The following MYLK4 variants were observed in gnomAD, a reference collection of about 807,000 sequenced individuals.
MYLK4 encodes caMLCK like.
In MYLK4, 46 loss-of-function variants were observed where a neutral mutation model predicts 48.1. That is an observed-to-expected ratio of 0.96 (90% CI 0.75 to 1.22). The LOEUF (loss-of-function observed/expected upper bound fraction) is 1.22, where lower values mean the gene tolerates loss of function less well. Ranked by LOEUF, MYLK4 falls within the 50% of genes most tolerant of loss-of-function variation. MYLK4 has a pLI of 0.00. For synonymous variants in MYLK4, 170 were observed against 180.8 expected (o/e 0.94, Z 0.48); for missense variants, 451 against 486.1 (o/e 0.93, Z 0.68).
At chr6:2,765,508 C>T in the MYLK4 span, 1 of 1,259,760 alleles carries the variant, frequency 7.9e-7, no homozygotes, top group Non-Finnish European at 1.0e-6. Flanking sequence ...GAGCGTCCTG[C>T]TGGTTCCCCG....
chr6:2,768,556 T>G, the MYLK4 span: 2 of 590,762 alleles, frequency 3.4e-6, no homozygotes, highest in South Asian at 6.7e-5. Flanking sequence ...TTTGATTGTT[T>G]CTGTGCTGCT....
At chr6:2,693,004 C>T in intron 2 of MYLK4, 145 bp from the exon 3 acceptor site, 1 of 696,042 alleles carries the variant, frequency 1.4e-6, no homozygotes, top group African/African-American at 1.8e-5. Context: ...GGCCTCTATC[C>T]ACCAGATGCC....
In MYLK4 at chr6:2,664,670, A is replaced by G. The variant is rs561586618; in HGVS notation, c.*3255T>C. On this transcript the variant is annotated 3_prime_UTR_variant, in exon 13 of 13. Coordinates refer to ENST00000274643, the MANE Select transcript of MYLK4 (RefSeq NM_001012418.5). The stretch of plus-strand genomic sequence containing the variant: ...TCACACATCTTTCCAAACATACATC[A>G]AAGCAAGCCACAACAATGGCAACAT... The G allele has an allele frequency of 1.0e-3, 156 of 152,384 alleles. 3 individuals carry two copies. The highest frequency in any genetic ancestry group is 8.9e-3 in the Admixed American group (137 of 15,310). The allele number at this position is 152,384 out of a possible 1,614,324, so 9.4% of individuals were successfully genotyped here.
intron 2 of MYLK4, among the ~76,000 whole-genome samples, chr6:2,739,317 A>G (rs1344632789): frequency 1.3e-5 from 2 of 152,220 alleles, no homozygotes; most frequent in African/African-American, 4.8e-5. Flanking sequence ...AAATTAATAC[A>G]GAATCTAGGC....
At chr6:2,759,239 A>G in the MYLK4 span, among the ~76,000 whole-genome samples, 3 of 152,040 alleles carry the variant, frequency 2.0e-5, no homozygotes, top group African/African-American at 7.3e-5. Context: ...AGTAGTGAGG[A>G]CCACTGGTGC....
At chr6:2,766,181 G>T in the MYLK4 span, 1 of 1,375,100 alleles carries the variant, frequency 7.3e-7, no homozygotes. Context: ...GGACGACCCG[G>T]GGCACTGGGA....
At chr6:2,738,106 G>C (rs1324357047) in intron 2 of MYLK4, among the ~76,000 whole-genome samples, 2 of 151,718 alleles carry the variant, frequency 1.3e-5, no homozygotes, top group Non-Finnish European at 2.9e-5. Context: ...GGTCTTATGT[G>C]AAACTAGATT....
intron 2 of MYLK4, among the ~76,000 whole-genome samples, chr6:2,742,784 G>A (rs1024675934): frequency 2.0e-5 from 3 of 149,508 alleles, no homozygotes; most frequent in Admixed American, 1.3e-4. Context: ...CGAGTTAATG[G>A]GTGCAGCACA....
At chr6:2,744,352 G>A (rs1299387054) in intron 2 of MYLK4, among the ~76,000 whole-genome samples, 2 of 152,258 alleles carry the variant, frequency 1.3e-5, no homozygotes, top group Non-Finnish European at 2.9e-5. Flanking sequence ...AGGACAATTA[G>A]CACCACTGTA....
chr6:2,765,319 C>A, the MYLK4 span: 12 of 219,426 alleles, frequency 5.5e-5, no homozygotes, highest in Non-Finnish European at 8.9e-6. Flanking sequence ...GTGATTGGGG[C>A]AAACGGCCAC....
intron 4 of MYLK4, among the ~76,000 whole-genome samples, chr6:2,688,128 G>A (rs1413400487): frequency 6.6e-6 from 1 of 151,230 alleles, no homozygotes; most frequent in Non-Finnish European, 1.5e-5. Flanking sequence ...GCCTGATCTC[G>A]GCTCACTGCA....
chr6:2,725,585 GAGAA>G lies in MYLK4; in HGVS notation c.159+23547_159+23550del, dbSNP rs372499443. 2.5e-3 allele frequency among the ~76,000 whole-genome samples: 258 copies of G among 101,830 alleles called. 1 individual carries two copies. The highest frequency in any genetic ancestry group is 7.0e-3 in the East Asian group (29 of 4,162). 66.8% of individuals were successfully genotyped at this position (101,830 alleles called of 152,430 possible). A position where few individuals can be genotyped will look rare whatever the true frequency, so the allele number is the denominator to read the frequency against. ...AAAGAAAGAAAGAAAGAAAAAGAAAGAGAAAGAAAGAAAGAAAGAAACAAACAAA... is the reference window on the plus strand; with the variant it reads ...AAAGAAAGAAAGAAAGAAAAAGAAAGAGAAAGAAAGAAAGAAACAAACAAA... On this transcript the variant is annotated intron_variant, in intron 2 of 12. Transcript: ENST00000274643.
At chr6:2,728,210 T>C (rs1381404718) in intron 2 of MYLK4, among the ~76,000 whole-genome samples, 2 of 152,192 alleles carry the variant, frequency 1.3e-5, no homozygotes, top group Non-Finnish European at 2.9e-5. Flanking sequence ...CATCAGACAT[T>C]GGGCAGCAAA....
At position 2,715,968 on chromosome 6, in the gene MYLK4, T is replaced by C. The variant is rs543894304; in HGVS notation, c.160-23109A>G. On this transcript the variant is annotated intron_variant, in intron 2 of 12. Transcript: ENST00000274643. ...GCCACCACCCAGGCTACCACGACTG[T>C]TGCCCCAGGGATTCCAGAACCTTTG... Among the ~76,000 whole-genome samples the C allele has an allele frequency of 2.6e-5, 4 of 152,312 alleles. No individual in the cohort carries two copies. In the South Asian group the frequency reaches 8.3e-4, roughly 32 times the overall value.
the MYLK4 span, among the ~76,000 whole-genome samples, chr6:2,756,631 C>T: frequency 2.6e-5 from 4 of 152,134 alleles, no homozygotes; most frequent in African/African-American, 4.8e-5. Flanking sequence ...AAACCAACAC[C>T]ATAGGATTAT....
rs1388846860 is a variant in MYLK4 at position 2,663,692 on chromosome 6, T to A, written c.*4233A>T. On this transcript the variant is annotated 3_prime_UTR_variant, in exon 13 of 13. Transcript: ENST00000274643. ...AATACATATACATGATTGTTATACATCTTTAGAAAGCAAAGAAAAACAGCT... is the reference window on the plus strand; with the variant it reads ...AATACATATACATGATTGTTATACAACTTTAGAAAGCAAAGAAAAACAGCT... The A allele has an allele frequency of 1.3e-5, 2 of 152,608 alleles. No homozygotes were observed. The highest frequency in any genetic ancestry group is 2.9e-5 in the Non-Finnish European group (2 of 68,056). 9.5% of individuals were successfully genotyped at this position (152,608 alleles called of 1,614,324 possible).
At chr6:2,716,299 G>T (rs1296610873) in intron 2 of MYLK4, among the ~76,000 whole-genome samples, 1 of 152,154 alleles carries the variant, frequency 6.6e-6, no homozygotes, top group Non-Finnish European at 1.5e-5. Flanking sequence ...TTTTCACTTT[G>T]TCAGAAGTTG....
chr6:2,684,808 G>C lies in MYLK4; in HGVS notation c.545+488C>G, dbSNP rs1481345435. 2.0e-5 allele frequency among the ~76,000 whole-genome samples: 3 copies of C among 152,232 alleles called. No individual in the cohort carries two copies. In the East Asian group the frequency reaches 5.8e-4, roughly 29 times the overall value. On this transcript the variant is annotated intron_variant, in intron 6 of 12. Transcript: ENST00000274643. ...GGAACTTGAGTGTCCTCCGGTTTTG[G>C]TATTTGCAGGGATCCTGGGACCAAT...
chr6:2,682,886 G>T, intron 7 of MYLK4, 135 bp downstream of exon 7: 1 of 917,414 alleles, frequency 1.1e-6, no homozygotes, highest in Non-Finnish European at 1.7e-6. Flanking sequence ...AAGGAGATGA[G>T]GGTAACAATT....
Sources: gnomAD v4.1 joint callset for allele counts (sites outside exome capture counted in the v4.1 genomes callset) on GRCh38, gnomAD v4.1.1 for gene constraint, MANE v1.5 for transcripts, NCBI Gene and HGNC (gene_info 2026-07-23, HGNC 2026-07-21) for gene names.